The following EFHD1 variants were observed in gnomAD, a reference collection of about 807,000 sequenced individuals.
The protein encoded by EFHD1 is EF-hand domain family member D1, also known as EF-hand domain-containing protein D1.
A neutral mutation model predicts 17.2 loss-of-function variants in EFHD1; 10 were observed. The observed-to-expected ratio is 0.58, with a 90% CI of 0.36 to 0.99. EFHD1 has a LOEUF of 0.99. Ranked by LOEUF, EFHD1 falls within the 50% of genes least tolerant of loss-of-function variation. The pLI, the probability that EFHD1 is intolerant of heterozygous loss-of-function variation, is 0.01. For missense variants in EFHD1, 310 were observed against 327.5 expected (o/e 0.95, Z 0.41); for synonymous variants, 153 against 142.0 (o/e 1.08, Z -0.55).
chr2:232,612,644 G>C (rs548872276), intron 1 of EFHD1, among the ~76,000 whole-genome samples: 1 of 152,102 alleles, frequency 6.6e-6, no homozygotes, highest in Non-Finnish European at 1.5e-5. Context: ...TGAGGATATG[G>C]AGCAAGGCAG....
chr2:232,616,709 G>C (rs1349651298), intron 1 of EFHD1, among the ~76,000 whole-genome samples: 3 of 152,078 alleles, frequency 2.0e-5, no homozygotes, highest in Non-Finnish European at 4.4e-5. Flanking sequence ...GTATTTAATG[G>C]GTAAGAATTT....
At chr2:232,634,628 CG>C (rs2106193810) in intron 1 of EFHD1, among the ~76,000 whole-genome samples, 1 of 152,216 alleles carries the variant, frequency 6.6e-6, no homozygotes, top group South Asian at 2.1e-4. Flanking sequence ...ACCGGTCCGG[CG>C]GGGGCTCGTT....
chr2:232,619,300 C>A (rs978442859), intron 1 of EFHD1, among the ~76,000 whole-genome samples: 1 of 105,672 alleles, frequency 9.5e-6, no homozygotes, highest in Non-Finnish European at 2.0e-5. Context: ...AGGGTGATTT[C>A]TTTCTTTCTT....
At chr2:232,661,087 G>T (rs772118064) in intron 1 of EFHD1, among the ~76,000 whole-genome samples, 1 of 152,020 alleles carries the variant, frequency 6.6e-6, no homozygotes, top group East Asian at 1.9e-4. Context: ...GGCGGAGGTT[G>T]CAGTGAGCAG....
chr2:232,666,276 G>A (rs576577937), intron 2 of EFHD1, among the ~76,000 whole-genome samples: 4 of 152,356 alleles, frequency 2.6e-5, no homozygotes, highest in African/African-American at 9.6e-5. Context: ...CTGGATGTGG[G>A]CTGTGGCCTC....
In EFHD1 at chr2:232,677,588, C is replaced by T. The variant is rs574955485; in HGVS notation, c.586-3997C>T. Among the ~76,000 whole-genome samples, 215 of 152,036 alleles carry T rather than the reference C, an allele frequency of 1.4e-3. 1 individual carries two copies. Among genetic ancestry groups the T allele is most frequent in the African/African-American group, 4.9e-3 (205 of 41,464 alleles). The stretch of plus-strand genomic sequence containing the variant: ...AAACAAAAATATTAGCTGGGTATGG[C>T]GGTGCATGTCTGTAGTCCCAGCTAC... On this transcript the variant is annotated intron_variant, in intron 3 of 3. Coordinates refer to ENST00000264059, the MANE Select transcript of EFHD1 (RefSeq NM_025202.4).
At chr2:232,629,606 C>T (rs548080316), upstream of EFHD1, among the ~76,000 whole-genome samples, 2 of 152,100 alleles carry the variant, frequency 1.3e-5, 1 homozygote, top group Admixed American at 1.3e-4. Flanking sequence ...GTACCTGGGA[C>T]TACAGGTGCG....
chr2:232,638,034 C>A (rs1365158211), intron 1 of EFHD1: 3 of 206,436 alleles, frequency 1.5e-5, no homozygotes, highest in Non-Finnish European at 3.0e-5. Context: ...CACCATCAGC[C>A]CGGCCAGAGA....
chr2:232,613,831 T>C (rs1245491992), intron 1 of EFHD1, among the ~76,000 whole-genome samples: 1 of 142,100 alleles, frequency 7.0e-6, no homozygotes, highest in African/African-American at 2.6e-5. Context: ...CACACAAATA[T>C]ACACACATAC....
intron 3 of EFHD1, among the ~76,000 whole-genome samples, chr2:232,675,459 C>G (rs1286936524): frequency 6.6e-6 from 1 of 152,094 alleles, no homozygotes; most frequent in African/African-American, 2.4e-5. Context: ...GAAGGTCAGG[C>G]CTTCCCCCGA....
At chr2:232,644,006 C>G (rs1168830544) in intron 1 of EFHD1, among the ~76,000 whole-genome samples, 1 of 152,170 alleles carries the variant, frequency 6.6e-6, no homozygotes, top group Non-Finnish European at 1.5e-5. Flanking sequence ...TGATTTTTCT[C>G]TTGCCTGTGG....
At chr2:232,654,543 C>T (rs906682683) in intron 1 of EFHD1, among the ~76,000 whole-genome samples, 2 of 151,368 alleles carry the variant, frequency 1.3e-5, no homozygotes, top group Admixed American at 1.3e-4. Context: ...GCCTCAGCCT[C>T]CTGAGTAGCT....
intron 1 of EFHD1, among the ~76,000 whole-genome samples, chr2:232,623,681 AAAAAAAAAAAAAAGAAGAAGAAG>A (rs1405563077): frequency 2.5e-5 from 3 of 121,820 alleles, no homozygotes; most frequent in Non-Finnish European, 5.2e-5. Flanking sequence ...TCCAAAAAAA[AAAAAAAAAAAAAAGAAGAAGAAG>A]AAGAAGAAGA....
intron 3 of EFHD1, among the ~76,000 whole-genome samples, chr2:232,680,190 G>A (rs898763095): frequency 1.3e-5 from 2 of 152,022 alleles, no homozygotes; most frequent in Non-Finnish European, 2.9e-5. Flanking sequence ...CAGGAGGATC[G>A]GTTGAGCCCT....
chr2:232,667,617 A>C (rs1379499558), intron 2 of EFHD1, among the ~76,000 whole-genome samples: 2 of 151,876 alleles, frequency 1.3e-5, no homozygotes, highest in Non-Finnish European at 2.9e-5. Flanking sequence ...CAATGGTGCA[A>C]TCTCACCTCA....
chr2:232,644,878 G>A (rs1393641992), intron 1 of EFHD1, among the ~76,000 whole-genome samples: 1 of 148,320 alleles, frequency 6.7e-6, no homozygotes, highest in Admixed American at 6.8e-5. Flanking sequence ...CGGACCTCAG[G>A]TGATCCGCCC....
chr2:232,615,793 T>G (rs1693917951), intron 1 of EFHD1, among the ~76,000 whole-genome samples: 1 of 151,200 alleles, frequency 6.6e-6, no homozygotes, highest in Admixed American at 6.7e-5. Flanking sequence ...GCTCAAGTGA[T>G]TCTCCTGCCT....
intron 1 of EFHD1, among the ~76,000 whole-genome samples, chr2:232,607,926 T>C (rs1304205558): frequency 9.5e-6 from 1 of 104,836 alleles, no homozygotes; most frequent in East Asian, 2.0e-4. Flanking sequence ...AGACCCTGTC[T>C]CTATTTTTTT....
chr2:232,644,863 A>G (rs1482890693), intron 1 of EFHD1, among the ~76,000 whole-genome samples: 1 of 137,032 alleles, frequency 7.3e-6, no homozygotes, highest in African/African-American at 2.8e-5. Flanking sequence ...GCTGGTCTCA[A>G]TCTCCGGACC....
Sources: allele counts gnomAD v4.1 joint callset (sites outside exome capture counted in the v4.1 genomes callset), GRCh38; gene constraint gnomAD v4.1.1; transcripts MANE v1.5; gene names NCBI Gene and HGNC (gene_info 2026-07-23, HGNC 2026-07-21).